The following TTLL4 variants were observed in gnomAD, a reference collection of about 807,000 sequenced individuals.
TTLL4 encodes tubulin tyrosine ligase like 4.
In TTLL4, 85 loss-of-function variants were observed where a neutral mutation model predicts 122.7. That is an observed-to-expected ratio of 0.69 (90% CI 0.58 to 0.83). TTLL4 has a LOEUF of 0.83. Among genes scored for constraint, TTLL4 ranks in the 40% least tolerant of loss-of-function variants. The pLI is 0.00. For missense variants in TTLL4, 1,363 were observed against 1,488.6 expected, an observed-to-expected ratio of 0.92 and a Z score of 1.39; for synonymous variants, 553 against 563.0, an observed-to-expected ratio of 0.98 and a Z score of 0.25.
At chr2:218,743,678 G>GTTTTGT (rs58047409) in intron 5 of TTLL4, among the ~76,000 whole-genome samples, 5,378 of 151,872 alleles carry the variant, frequency 0.035, 305 homozygotes, top group African/African-American at 0.12. Flanking sequence ...TTTTTGTTTT[G>GTTTTGT]TTTTGTTTTT....
Position 218,738,274 on chromosome 2 carries a change from G to C in TTLL4, c.598G>C (p.Ala200Pro), listed in dbSNP as rs753667698. The change falls in exon 3 of 20, where the codon GCC becomes CCC. Residue 200 changes from alanine to proline, a missense_variant. Ala to Pro is a conservative substitution (Grantham distance 27). Transcript: ENST00000392102. The part of the protein sequence containing the change: ...ENPSGKSLAS[A>P]ISGKIPSPLS... ...CCCTTCAGGGAAGAGCCTGGCCTCTGCCATCTCAGGGAAGATCCCATCTCC... is the reference window on the plus strand; with the variant it reads ...CCCTTCAGGGAAGAGCCTGGCCTCTCCCATCTCAGGGAAGATCCCATCTCC... The C allele has an allele frequency of 3.7e-6, 6 of 1,614,040 alleles. No homozygotes were observed. Among genetic ancestry groups the C allele is most frequent in the Non-Finnish European group, 5.1e-6 (6 of 1,180,026 alleles).
Position 218,739,092 on chromosome 2 carries a change from C to T in TTLL4, c.1416C>T (p.Ile472=), listed in dbSNP as rs750259702. The T allele has an allele frequency of 4.2e-5, 68 of 1,614,026 alleles. No individual in the cohort carries two copies. The highest frequency in any genetic ancestry group is 5.3e-5 in the Non-Finnish European group (62 of 1,180,048). The change falls in exon 3 of 20, where the codon ATC becomes ATT. Residue 472 remains isoleucine (I), a synonymous_variant. Transcript: ENST00000392102. ...IANVATRLSS[I]QLGQSEKERP... is the part of the protein sequence containing the mutation. The stretch of plus-strand genomic sequence containing the variant: ...ACGTGGCCACCCGCCTCTCTTCCAT[C>T]CAGCTGGGCCAGTCTGAGAAGGAGA...
downstream of TTLL4, among the ~76,000 whole-genome samples, chr2:218,757,965 G>C (rs1943184498): frequency 6.6e-6 from 1 of 152,152 alleles, no homozygotes; most frequent in African/African-American, 2.4e-5. Context: ...ATGGCTAAGA[G>C]AGCTCCATTT....
chr2:218,728,786 C>T (rs1288576941), intron 2 of TTLL4, among the ~76,000 whole-genome samples: 1 of 152,196 alleles, frequency 6.6e-6, no homozygotes, highest in Non-Finnish European at 1.5e-5. Context: ...GGCTGAGTTA[C>T]AGAGCAGAGA....
intron 1 of TTLL4, among the ~76,000 whole-genome samples, chr2:218,712,543 C>T (rs1941740714): frequency 1.3e-5 from 2 of 152,044 alleles, no homozygotes; most frequent in Admixed American, 6.6e-5. Context: ...CATGCTGCCA[C>T]GCTCGGTTAA....
Position 218,748,393 on chromosome 2 carries a change from G to A in TTLL4, c.2501+166G>A, listed in dbSNP as rs150957335. 1.2e-5 allele frequency: 14 copies of A among 1,141,834 alleles called. No homozygotes were observed. The East Asian group carries it at 3.0e-4, about 25-fold the overall frequency. The allele number at this position is 1,141,834 out of a possible 1,614,324, so 70.7% of individuals were successfully genotyped here. ...TTTGAGGCCGGATGTGGTGGCTCAC[G>A]CCTGTAATCCTAGCACTTTGGGAGG... On this transcript the variant is annotated intron_variant, in intron 12 of 19. Coordinates refer to ENST00000392102, the MANE Select transcript of TTLL4 (RefSeq NM_014640.5).
intron 6 of TTLL4, 100 bp from the exon 7 acceptor site, chr2:218,745,591 C>G (rs1942819238): frequency 8.5e-6 from 7 of 819,596 alleles, no homozygotes; most frequent in Non-Finnish European, 1.4e-5. Context: ...ACTTGCCTGC[C>G]CAGGGAAGAA....
chr2:218,744,176 A>G (rs1942778696), intron 5 of TTLL4, among the ~76,000 whole-genome samples: 1 of 152,246 alleles, frequency 6.6e-6, no homozygotes, highest in African/African-American at 2.4e-5. Context: ...GAGTTAAAAC[A>G]CTGAAGTGTT....
At chr2:218,730,311 C>CAAAAAAAAAAAAAAAAAAAAAAAA (rs548186206) in intron 2 of TTLL4, among the ~76,000 whole-genome samples, 3 of 14,302 alleles carry the variant, frequency 2.1e-4, no homozygotes, top group African/African-American at 9.2e-4. Flanking sequence ...ACTAAAAATC[C>CAAAAAAAAAAAAAAAAAAAAAAAA]AAAAAAAAAA....
intron 2 of TTLL4, among the ~76,000 whole-genome samples, chr2:218,729,751 AAAAAAAAAAAAC>A (rs1192650977): frequency 3.1e-5 from 3 of 97,900 alleles, no homozygotes; most frequent in African/African-American, 9.9e-5. Context: ...CTCTTTTTAA[AAAAAAAAAAAAC>A]AAAAAAAAAA....
In TTLL4 at chr2:218,745,720, T is replaced by A. The variant is rs753777405; in HGVS notation, c.1816T>A (p.Leu606Met). The A allele has an allele frequency of 4.3e-6, 7 of 1,612,658 alleles. No individual in the cohort carries two copies. In the South Asian group the frequency reaches 6.6e-5, roughly 15 times the overall value. Reference sequence around the variant, plus strand: ...GAAACTTCCCTGGGAACAGAGGAAGTTGCTCCGATGGAAGATGAGCACAGT... The same window carrying A: ...GAAACTTCCCTGGGAACAGAGGAAGATGCTCCGATGGAAGATGAGCACAGT... ...VEKLPWEQRKLLRWKMSTVTP... is the reference protein window; with the variant it reads ...VEKLPWEQRKMLRWKMSTVTP... The change falls in exon 7 of 20, where the codon TTG becomes ATG. Residue 606 changes from leucine (L) to methionine (M), a missense_variant. This residue lies in a region of TTLL4 where 760 missense variants were observed against 808.4 expected (regional missense o/e 0.94). Transcript: ENST00000392102.
At chr2:218,731,695 G>T (rs1333170661) in intron 2 of TTLL4, among the ~76,000 whole-genome samples, 2 of 152,210 alleles carry the variant, frequency 1.3e-5, no homozygotes, top group African/African-American at 4.8e-5. Flanking sequence ...CACAACTTCA[G>T]TCGGGGTATG....
chr2:218,720,091 G>C (rs1321195673), intron 1 of TTLL4, among the ~76,000 whole-genome samples: 1 of 152,300 alleles, frequency 6.6e-6, no homozygotes, highest in South Asian at 2.1e-4. Flanking sequence ...TCAAGGAAAT[G>C]GGACGATCAG....
intron 17 of TTLL4, 57 bp from the exon 18 acceptor site, chr2:218,753,058 G>T: frequency 6.2e-7 from 1 of 1,613,176 alleles, no homozygotes; most frequent in Non-Finnish European, 8.5e-7. Context: ...TCTCTGGAAA[G>T]AATTGGCCAA....
chr2:218,752,168 G>A lies in TTLL4; in HGVS notation c.2976+362G>A, dbSNP rs974674793. ...AGTGATCCGCCTGCCTCGGCCTCCC[G>A]AAGTGCTGGGATTACAGGCGTGAGC... On this transcript the variant is annotated intron_variant, in intron 16 of 19. Transcript: ENST00000392102. Among the ~76,000 whole-genome samples, 10 of 152,236 alleles carry A rather than the reference G, an allele frequency of 6.6e-5. No individual in the cohort carries two copies. In the South Asian group the frequency reaches 1.4e-3, roughly 22 times the overall value.
In TTLL4 at chr2:218,754,775, T is replaced by G; in HGVS notation, c.*386T>G. On this transcript the variant is annotated 3_prime_UTR_variant, in exon 20 of 20. Coordinates refer to ENST00000392102, the MANE Select transcript of TTLL4 (RefSeq NM_014640.5). ...AGAGGAGAAAACATACAGAACATATTTGGACCGGAAATCCTTTGTTCTGAA... is the reference window on the plus strand; with the variant it reads ...AGAGGAGAAAACATACAGAACATATGTGGACCGGAAATCCTTTGTTCTGAA... The G allele has an allele frequency of 4.3e-6, 1 of 230,322 alleles. No individual in the cohort carries two copies. The highest frequency in any genetic ancestry group is 2.3e-5 in the African/African-American group (1 of 44,296). The allele number at this position is 230,322 out of a possible 1,614,324, so 14.3% of individuals were successfully genotyped here.
intron 2 of TTLL4, among the ~76,000 whole-genome samples, chr2:218,735,027 A>G (rs1303780424): frequency 2.0e-5 from 3 of 152,072 alleles, no homozygotes; most frequent in Non-Finnish European, 4.4e-5. Context: ...GCTCATTATC[A>G]TTTTGAATAT....
In TTLL4 at chr2:218,738,218, C is replaced by A. The variant is rs1241850691; in HGVS notation, c.542C>A (p.Pro181Gln). The A allele has an allele frequency of 2.5e-6, 4 of 1,614,138 alleles. No individual in the cohort carries two copies. Among genetic ancestry groups the A allele is most frequent in the Non-Finnish European group, 2.5e-6 (3 of 1,180,020 alleles). The change falls in exon 3 of 20, where the codon CCA (proline) becomes CAA (glutamine). Residue 181 changes from proline (P) to glutamine (Q), a missense_variant. Transcript: ENST00000392102. ...AQPMASSSTE[P>Q]YLCLAAAGEN... ...CCCATGGCCTCCTCATCCACAGAAC[C>A]ATACCTCTGCTTGGCAGCGGCTGGG... is the stretch of plus-strand genomic sequence containing the variant.
intron 14 of TTLL4, among the ~76,000 whole-genome samples, chr2:218,749,643 A>G (rs956441713): frequency 6.6e-6 from 1 of 151,840 alleles, no homozygotes; most frequent in African/African-American, 2.4e-5. Flanking sequence ...AATTTTTTGT[A>G]TTTTTAGTAG....
Sources: gnomAD v4.1 joint callset for allele counts (sites outside exome capture counted in the v4.1 genomes callset) on GRCh38, gnomAD v4.1.1 for gene constraint, gnomAD v4.1.1 regional missense constraint, MANE v1.5 for transcripts, NCBI Gene and HGNC (gene_info 2026-07-23, HGNC 2026-07-21) for gene names.